SGCZ: variants seen among roughly 807,000 people sequenced by gnomAD.
SGCZ encodes sarcoglycan zeta, also known as zeta-sarcoglycan.
In SGCZ, 40 loss-of-function variants were observed where a neutral mutation model predicts 41.3. That is an observed-to-expected ratio of 0.97 (90% CI 0.75 to 1.26). SGCZ has a LOEUF of 1.26. SGCZ is among the 50% of genes most tolerant of loss of function. SGCZ has a pLI of 0.00. For missense variants in SGCZ, 552 were observed against 369.8 expected (o/e 1.49, Z -4.04); for synonymous variants, 206 against 137.5 (o/e 1.50, Z -3.49).
intron 1 of SGCZ, among the ~76,000 whole-genome samples, chr8:15,198,991 A>AT (rs1329223499): frequency 1.3e-5 from 2 of 152,200 alleles, no homozygotes; most frequent in East Asian, 1.9e-4. Flanking sequence ...AGTAACTGAA[A>AT]TTTTATCTTG....
chr8:15,126,215 G>C (rs114861963), intron 1 of SGCZ, among the ~76,000 whole-genome samples: 160 of 152,154 alleles, frequency 1.1e-3, no homozygotes, highest in African/African-American at 3.5e-3. Flanking sequence ...CATGCTAGTA[G>C]TATCACAATG....
At chr8:14,139,355 G>C (rs1009493179) in intron 5 of SGCZ, among the ~76,000 whole-genome samples, 1 of 152,012 alleles carries the variant, frequency 6.6e-6, no homozygotes, top group African/African-American at 2.4e-5. Context: ...GAGCAGAGCT[G>C]AAGGAGATAG....
At chr8:15,049,418 G>T (rs1403325471) in intron 1 of SGCZ, among the ~76,000 whole-genome samples, 1 of 152,140 alleles carries the variant, frequency 6.6e-6, no homozygotes, top group African/African-American at 2.4e-5. Context: ...CAACTAGGAA[G>T]TCTGTAGACA....
intron 3 of SGCZ, among the ~76,000 whole-genome samples, chr8:14,275,335 T>G (rs574793695): frequency 2.6e-5 from 4 of 152,162 alleles, no homozygotes; most frequent in Admixed American, 6.6e-5. Context: ...CAAAACCCAA[T>G]GAGTTTTCAG....
At chr8:14,210,795 A>G (rs1350280959) in intron 4 of SGCZ, among the ~76,000 whole-genome samples, 1 of 152,122 alleles carries the variant, frequency 6.6e-6, no homozygotes, top group Non-Finnish European at 1.5e-5. Flanking sequence ...TTAAAAAAAT[A>G]TTTATTTGTG....
intron 1 of SGCZ, among the ~76,000 whole-genome samples, chr8:14,742,227 C>T (rs1799216247): frequency 6.6e-6 from 1 of 152,034 alleles, no homozygotes; most frequent in Non-Finnish European, 1.5e-5. Flanking sequence ...TCTGTGCAGG[C>T]ATTTAAACAC....
At chr8:14,462,047 C>A (rs966688645) in intron 2 of SGCZ, among the ~76,000 whole-genome samples, 5 of 151,982 alleles carry the variant, frequency 3.3e-5, no homozygotes, top group African/African-American at 1.2e-4. Context: ...AGATTTACTT[C>A]CAGGCAGCCA....
intron 3 of SGCZ, chr8:14,309,461 G>C (rs566777843): frequency 6.2e-7 from 1 of 1,605,790 alleles, no homozygotes; most frequent in African/African-American, 1.3e-5. Context: ...CTGCAGTGAT[G>C]ATGTATGTGG....
chr8:15,103,288 C>A (rs938412463), intron 1 of SGCZ, among the ~76,000 whole-genome samples: 2 of 152,080 alleles, frequency 1.3e-5, no homozygotes, highest in African/African-American at 4.8e-5. Context: ...GTATACCCAG[C>A]TACTGGGGAG....
At chr8:15,168,600 C>G (rs1233967077) in intron 1 of SGCZ, among the ~76,000 whole-genome samples, 1 of 152,056 alleles carries the variant, frequency 6.6e-6, no homozygotes, top group Non-Finnish European at 1.5e-5. Context: ...CATCACTTAC[C>G]CCCGGTATCT....
chr8:14,210,684 C>A lies in SGCZ; in HGVS notation c.424+26908G>T, dbSNP rs560827308. 3.0e-3 allele frequency among the ~76,000 whole-genome samples: 457 copies of A among 152,002 alleles called. 1 individual carries two copies. Among genetic ancestry groups the A allele is most frequent in the African/African-American group, 9.6e-3 (398 of 41,462 alleles). On this transcript the variant is annotated intron_variant, in intron 4 of 7. Transcript: ENST00000382080. The stretch of plus-strand genomic sequence containing the variant: ...GTTTCATCATGTTGGCCAAGCTGTT[C>A]TTGATATCCTGACCTCAGGTGATCC...
rs562662595 is a variant in SGCZ, at chr8:14,136,456, G to A, written c.547+28124C>T. On this transcript the variant is annotated intron_variant, in intron 5 of 7. Transcript: ENST00000382080. The stretch of plus-strand genomic sequence containing the variant: ...TGGGACACTCCTGCCCTAATACTGC[G>A]CTTTTCCAATGGTCTTAGCAAATGG... Among the ~76,000 whole-genome samples, 431 of 152,174 alleles carry A rather than the reference G, an allele frequency of 2.8e-3. 2 individuals carry two copies. Among genetic ancestry groups the A allele is most frequent in the Non-Finnish European group, 5.0e-3 (341 of 68,004 alleles).
intron 2 of SGCZ, among the ~76,000 whole-genome samples, chr8:14,425,638 G>GA (rs57843802): frequency 1.9e-4 from 28 of 144,542 alleles, no homozygotes; most frequent in Non-Finnish European, 2.3e-4. Context: ...AAAAGAAAAA[G>GA]AAAAAAAAAA....
intron 4 of SGCZ, among the ~76,000 whole-genome samples, chr8:14,216,199 CT>C (rs1805988275): frequency 1.3e-5 from 2 of 152,172 alleles, no homozygotes; most frequent in African/African-American, 4.8e-5. Context: ...TTTACATCCC[CT>C]TGTTATCTAA....
chr8:14,170,846 A>G (rs1040533740), intron 4 of SGCZ, among the ~76,000 whole-genome samples: 5 of 152,156 alleles, frequency 3.3e-5, no homozygotes, highest in Admixed American at 2.6e-4. Context: ...ATGAACAAAT[A>G]CTATGAGAAT....
intron 5 of SGCZ, among the ~76,000 whole-genome samples, chr8:14,144,328 G>A (rs376602851): frequency 4.6e-5 from 7 of 152,148 alleles, no homozygotes; most frequent in African/African-American, 1.2e-4. Context: ...TGAGGACTCC[G>A]TTCCAGGCCC....
At chr8:15,044,747 TC>T (rs1192419811) in intron 1 of SGCZ, among the ~76,000 whole-genome samples, 1 of 151,992 alleles carries the variant, frequency 6.6e-6, no homozygotes, top group Non-Finnish European at 1.5e-5. Flanking sequence ...GTTAATTAGT[TC>T]CCCTGTGGCC....
chr8:14,788,133 G>T (rs552237474), intron 1 of SGCZ, among the ~76,000 whole-genome samples: 2 of 152,192 alleles, frequency 1.3e-5, no homozygotes, highest in African/African-American at 2.4e-5. Context: ...CCTAAATAAC[G>T]GATATATTTT....
At chr8:15,163,889 G>A (rs534771238) in intron 1 of SGCZ, among the ~76,000 whole-genome samples, 2 of 152,142 alleles carry the variant, frequency 1.3e-5, no homozygotes, top group Non-Finnish European at 2.9e-5. Flanking sequence ...AGGTGGGAGG[G>A]TGTCCTCAGA....
Sources: allele counts gnomAD v4.1 joint callset (sites outside exome capture counted in the v4.1 genomes callset), GRCh38; gene constraint gnomAD v4.1.1; transcripts MANE v1.5; gene names NCBI Gene and HGNC (gene_info 2026-07-23, HGNC 2026-07-21).